The following CFAP47 variants were observed in gnomAD, a reference collection of about 807,000 sequenced individuals.
The protein encoded by CFAP47 is cilia- and flagella-associated protein 47.
In CFAP47, 29 loss-of-function variants were observed where a neutral mutation model predicts 148.1. The observed-to-expected ratio is 0.20, with a 90% CI of 0.15 to 0.27. The LOEUF is 0.27. Ranked by LOEUF, CFAP47 falls within the 10% of genes least tolerant of loss-of-function variation. The probability of loss-of-function intolerance (pLI) is 1.00; values close to 1 mark genes in which losing one functional copy is unlikely to be tolerated. For missense variants in CFAP47, 1,872 were observed against 1,697.5 expected, an observed-to-expected ratio of 1.10 and a Z score of -1.81; for synonymous variants, 664 against 577.3, an observed-to-expected ratio of 1.15 and a Z score of -2.15.
chrX:36,361,605 T>A, intron 61 of CFAP47, 104 bp downstream of exon 61: 1 of 349,756 alleles, frequency 2.9e-6, no homozygotes, highest in East Asian at 5.2e-5. Flanking sequence ...TTGCAATACT[T>A]ATTTAATATT....
chrX:36,327,470 A>T (rs1019317983), intron 57 of CFAP47, among the ~76,000 whole-genome samples: 9 of 111,889 alleles, frequency 8.0e-5, no homozygotes, highest in African/African-American at 2.9e-4. Context: ...ATAATATCTG[A>T]TGCTGGCATG....
chrX:36,209,242 G>A (rs1220035622), intron 45 of CFAP47, among the ~76,000 whole-genome samples: 1 of 111,485 alleles, frequency 9.0e-6, no homozygotes, highest in Non-Finnish European at 1.9e-5. Context: ...AAAATAACAA[G>A]GGTTAAGCTT....
chrX:36,037,922 T>A (rs903719827), intron 24 of CFAP47, among the ~76,000 whole-genome samples: 3 of 111,850 alleles, frequency 2.7e-5, no homozygotes, highest in Non-Finnish European at 5.6e-5. Flanking sequence ...TTTATTTAAA[T>A]TTTTCACATA....
At chrX:36,117,937 C>T (rs1036439852) in intron 33 of CFAP47, among the ~76,000 whole-genome samples, 2 of 111,478 alleles carry the variant, frequency 1.8e-5, no homozygotes, top group Non-Finnish European at 3.8e-5. Flanking sequence ...GAGATTGGTC[C>T]AAGTTTCATT....
At chrX:36,331,260 T>C (rs1409667749) in intron 57 of CFAP47, among the ~76,000 whole-genome samples, 1 of 111,244 alleles carries the variant, frequency 9.0e-6, no homozygotes, top group Admixed American at 9.6e-5. Context: ...CACTTGACTA[T>C]TTTTTTTCTA....
At chrX:36,360,541 G>T (rs934387034) in intron 60 of CFAP47, among the ~76,000 whole-genome samples, 14 of 111,730 alleles carry the variant, frequency 1.3e-4, no homozygotes, top group African/African-American at 3.9e-4. Flanking sequence ...GGGCTGAGAG[G>T]GTTGGATTCT....
At chrX:35,982,005 G>C (rs1022654710) in intron 15 of CFAP47, among the ~76,000 whole-genome samples, 22 of 111,862 alleles carry the variant, frequency 2.0e-4, no homozygotes, top group African/African-American at 6.8e-4. Context: ...ATGGTAGAAT[G>C]ATGTATATTC....
At chrX:35,933,645 T>C (rs748957718) in intron 2 of CFAP47, among the ~76,000 whole-genome samples, 2 of 112,193 alleles carry the variant, frequency 1.8e-5, no homozygotes, top group South Asian at 7.4e-4. Flanking sequence ...GCCTCCAAAC[T>C]GTTCTCCTTT....
In CFAP47 at chrX:36,141,537, A is replaced by G. The variant is rs1487319126; in HGVS notation, c.5535+3073A>G. 2.6e-4 allele frequency among the ~76,000 whole-genome samples: 29 copies of G among 111,236 alleles called. No individual in the cohort carries two copies. In the Admixed American group the frequency reaches 2.8e-3, roughly 11 times the overall value. ...TTCAACCTCCTCTGAAAACACTCTC[A>G]CAGACACCCAGAAACAATGCTTTAC... On this transcript the variant is annotated intron_variant, in intron 35 of 63. Transcript: ENST00000378653.
At chrX:36,171,778 C>T (rs755021256) in intron 39 of CFAP47, among the ~76,000 whole-genome samples, 47 of 111,514 alleles carry the variant, frequency 4.2e-4, no homozygotes, top group African/African-American at 1.4e-3. Flanking sequence ...CTTGGCGATG[C>T]GGGCTATTTT....
At chrX:36,371,621 A>AT (rs1491164239) in intron 62 of CFAP47, among the ~76,000 whole-genome samples, 6 of 79,647 alleles carry the variant, frequency 7.5e-5, no homozygotes, top group East Asian at 5.7e-4. Flanking sequence ...ATATATGTGT[A>AT]ATATATGTGT....
intron 33 of CFAP47, among the ~76,000 whole-genome samples, chrX:36,126,565 A>G (rs1315652678): frequency 8.9e-6 from 1 of 111,892 alleles, no homozygotes. Flanking sequence ...ATACATGTGC[A>G]TGTGTCTTTA....
chrX:36,094,589 C>A (rs975109768), intron 30 of CFAP47, among the ~76,000 whole-genome samples: 43 of 110,794 alleles, frequency 3.9e-4, no homozygotes, highest in African/African-American at 1.4e-3. Context: ...TATTTTACTT[C>A]TTTGGTTAAG....
chrX:36,107,130 ACTGT>A (rs1210211773), intron 33 of CFAP47, among the ~76,000 whole-genome samples: 3 of 111,853 alleles, frequency 2.7e-5, no homozygotes, highest in African/African-American at 9.7e-5. Flanking sequence ...GCTTTAAAAA[ACTGT>A]CTATTTAAAA....
intron 21 of CFAP47, among the ~76,000 whole-genome samples, chrX:36,010,018 A>G (rs952660123): frequency 3.6e-5 from 4 of 111,581 alleles, no homozygotes; most frequent in African/African-American, 1.3e-4. Flanking sequence ...TTACCAAGGT[A>G]CCATGGAATA....
chrX:35,919,998 A>C lies in CFAP47; in HGVS notation c.199A>C (p.Ile67Leu), dbSNP rs143566547. Residue 67 changes from isoleucine (I) to leucine (L), a missense_variant, in exon 1 of 64, where the codon ATT (isoleucine) becomes CTT (leucine). By Grantham distance (5) the Ile-to-Leu change is conservative. Coordinates refer to ENST00000378653, the MANE Select transcript of CFAP47 (RefSeq NM_001304548.2). ...VYRLPITVHNICRWNQKIRFK... is the reference protein window; with the variant it reads ...VYRLPITVHNLCRWNQKIRFK... ...CCGCCTCCCGATTACTGTGCATAATATTTGCCGCTGGAACCAGAAAATCCG... is the reference window on the plus strand; with the variant it reads ...CCGCCTCCCGATTACTGTGCATAATCTTTGCCGCTGGAACCAGAAAATCCG... 3,564 of 1,199,009 alleles carry C rather than the reference A, an allele frequency of 3.0e-3. 63 individuals are homozygous for C. The African/African-American group carries it at 0.055, about 18-fold the overall frequency.
intron 15 of CFAP47, among the ~76,000 whole-genome samples, chrX:35,987,734 G>A (rs770190959): frequency 8.9e-6 from 1 of 111,779 alleles, no homozygotes; most frequent in South Asian, 3.8e-4. Context: ...GGGCTCTGGT[G>A]GCATAGGCAC....
intron 24 of CFAP47, among the ~76,000 whole-genome samples, chrX:36,036,761 G>A (rs1183443987): frequency 8.9e-6 from 1 of 111,746 alleles, no homozygotes; most frequent in East Asian, 2.8e-4. Flanking sequence ...TAGAAGTTCA[G>A]GCAGGGTAAG....
chrX:36,329,872 A>G (rs1241530513), intron 57 of CFAP47, among the ~76,000 whole-genome samples: 1 of 111,998 alleles, frequency 8.9e-6, no homozygotes, highest in Non-Finnish European at 1.9e-5. Flanking sequence ...ATAATGTAAA[A>G]TGCTTAAAAT....
Sources: gnomAD v4.1 joint callset for allele counts (sites outside exome capture counted in the v4.1 genomes callset) on GRCh38, gnomAD v4.1.1 for gene constraint, MANE v1.5 for transcripts, NCBI Gene and HGNC (gene_info 2026-07-23, HGNC 2026-07-21) for gene names.